IRAG2: variants seen among roughly 807,000 people sequenced by gnomAD.
IRAG2 encodes lymphoid restricted membrane protein.
Under a neutral mutation model 69.9 loss-of-function variants are expected in IRAG2, and 45 were observed. The ratio of observed to expected loss-of-function variants is 0.64; its 90% confidence interval spans 0.51 to 0.83. The LOEUF is 0.83. Among genes scored for constraint, IRAG2 ranks in the 40% least tolerant of loss-of-function variants. The pLI is 0.00. For synonymous variants in IRAG2, 193 were observed against 202.4 expected (o/e 0.95, Z 0.40); for missense variants, 520 against 587.0 (o/e 0.89, Z 1.18).
chr12:25,063,241 T>G (rs1300876076), intron 3 of IRAG2, among the ~76,000 whole-genome samples: 1 of 152,196 alleles, frequency 6.6e-6, no homozygotes, highest in Non-Finnish European at 1.5e-5. Flanking sequence ...TTTTGTATTT[T>G]TAGTAGAGAT....
upstream of IRAG2, among the ~76,000 whole-genome samples, chr12:25,003,220 A>C (rs1377196356): frequency 3.3e-5 from 5 of 152,204 alleles, no homozygotes; most frequent in African/African-American, 1.2e-4. Context: ...GATTCATGGA[A>C]ATTTCTGTTA....
intron 6 of IRAG2, among the ~76,000 whole-genome samples, chr12:25,070,864 T>C (rs1327412071): frequency 6.6e-6 from 1 of 152,224 alleles, no homozygotes; most frequent in African/African-American, 2.4e-5. Context: ...TATTTTTGAT[T>C]TGCATTTCTC....
At chr12:25,087,517 A>G (rs1207001875) in intron 10 of IRAG2, among the ~76,000 whole-genome samples, 3 of 152,080 alleles carry the variant, frequency 2.0e-5, no homozygotes, top group African/African-American at 7.2e-5. Flanking sequence ...TTATTTGGCA[A>G]TTAATCCTAG....
chr12:25,106,510 C>A, intron 20 of IRAG2, among the ~76,000 whole-genome samples: 1 of 54,814 alleles, frequency 1.8e-5, no homozygotes, highest in African/African-American at 4.9e-5. Context: ...ATACTGCACT[C>A]CAGCCTAGGC....
intron 7 of IRAG2, chr12:25,021,063 C>A (rs1591927373): frequency 5.3e-6 from 2 of 378,292 alleles, no homozygotes; most frequent in Non-Finnish European, 4.6e-6. Flanking sequence ...TTTTTTAAAT[C>A]TGTGTTTTCC....
At chr12:25,023,158 C>T (rs1416624586) in intron 7 of IRAG2, among the ~76,000 whole-genome samples, 1 of 150,170 alleles carries the variant, frequency 6.7e-6, no homozygotes, top group Non-Finnish European at 1.5e-5. Flanking sequence ...AAAAGTAGGG[C>T]CAGAATTGAA....
At chr12:25,075,184 G>A (rs1334015598) in intron 6 of IRAG2, among the ~76,000 whole-genome samples, 1 of 152,168 alleles carries the variant, frequency 6.6e-6, no homozygotes, top group Non-Finnish European at 1.5e-5. Flanking sequence ...ATTCAACTTA[G>A]CATTGTTCCT....
rs766432830 is a variant in IRAG2, at chr12:25,083,505, C to T, written c.315+12C>T. Reference sequence around the variant, plus strand: ...CCATATTAAATCTGGTAAGGAAATACGTATGTTCACAACAAAGGTGGTGGT... The same window carrying T: ...CCATATTAAATCTGGTAAGGAAATATGTATGTTCACAACAAAGGTGGTGGT... On this transcript the variant is annotated intron_variant, in intron 10 of 21. Transcript: ENST00000556887. 5.9e-6 allele frequency: 9 copies of T among 1,530,938 alleles called. No individual in the cohort carries two copies. Among genetic ancestry groups the T allele is most frequent in the Admixed American group, 3.4e-5 (2 of 59,538 alleles). The allele number at this position is 1,530,938 out of a possible 1,614,324, so 94.8% of individuals were successfully genotyped here.
intron 2 of IRAG2, among the ~76,000 whole-genome samples, chr12:25,006,870 GA>G (rs141336595): frequency 1.3e-4 from 20 of 150,634 alleles, no homozygotes; most frequent in South Asian, 2.1e-4. Context: ...AAAGTTGAGA[GA>G]AAAAAAAATT....
chr12:25,070,790 T>C (rs1946292337), intron 6 of IRAG2, among the ~76,000 whole-genome samples: 1 of 152,204 alleles, frequency 6.6e-6, no homozygotes, highest in South Asian at 2.1e-4. Flanking sequence ...CTCTGTATCC[T>C]CATTAAATAT....
intron 12 of IRAG2, among the ~76,000 whole-genome samples, chr12:25,033,574 C>G (rs1944684532): frequency 6.6e-6 from 1 of 152,174 alleles, no homozygotes; most frequent in Middle Eastern, 3.2e-3. Context: ...AGCCAGAAAT[C>G]CAGATTTTTA....
At chr12:25,052,398 G>T, upstream of IRAG2, 1 of 397,640 alleles carries the variant, frequency 2.5e-6, no homozygotes, top group Non-Finnish European at 4.4e-6. Context: ...CTCCTCAGAT[G>T]CCCTGCAAAC....
rs561839576 is a variant in IRAG2, at chr12:25,007,128, G to A, written c.688+1774G>A. 3.4e-3 allele frequency among the ~76,000 whole-genome samples: 520 copies of A among 152,208 alleles called. 1 individual carries two copies. Among genetic ancestry groups the A allele is most frequent in the Non-Finnish European group, 5.7e-3 (387 of 68,000 alleles). Reference sequence around the variant, plus strand: ...GTAGAATTCTATGATGAATCCTTATGTATTTGTCATAACCAATTATGTCTC... The same window carrying A: ...GTAGAATTCTATGATGAATCCTTATATATTTGTCATAACCAATTATGTCTC... On this transcript the variant is annotated intron_variant, in intron 2 of 38. Transcript: ENST00000636465.
chr12:25,058,174 T>C (rs1683169), intron 1 of IRAG2, among the ~76,000 whole-genome samples: 147,178 of 152,250 alleles, frequency 0.97, 71,338 homozygotes, highest in East Asian at 1. Flanking sequence ...AACTGTCAAA[T>C]GGTTTTCGGT....
At chr12:25,100,985 A>G (rs1385263936) in intron 15 of IRAG2, 193 bp from the exon 16 acceptor site, 2 of 445,582 alleles carry the variant, frequency 4.5e-6, no homozygotes, top group Non-Finnish European at 7.9e-6. Flanking sequence ...TAGTCCTTCT[A>G]TCCAGCTTTC....
At chr12:25,101,605 T>G (rs559038556) in intron 16 of IRAG2, among the ~76,000 whole-genome samples, 24 of 152,330 alleles carry the variant, frequency 1.6e-4, no homozygotes, top group Non-Finnish European at 1.9e-4. Context: ...TTGACCTTAG[T>G]GTTCCCCTAC....
Position 25,089,614 on chromosome 12 carries a change from A to C in IRAG2, c.374A>C (p.Asp125Ala), listed in dbSNP as rs1452172864. The change falls in exon 12 of 22, where the codon GAC becomes GCC. Residue 125 changes from aspartate to alanine, a missense_variant and splice_region_variant. Transcript: ENST00000556887. ...ATAATATTTTATTATATTTTAATAG[A>C]CTCTGTGGTTTCCCCTCTTCCTGTA... is the stretch of plus-strand genomic sequence containing the variant. ...EEHKKEHASG[D>A]SVVSPLPVTT... 6.4e-7 allele frequency: 1 copy of C among 1,570,736 alleles called. No individual in the cohort carries two copies. Among genetic ancestry groups the C allele is most frequent in the Non-Finnish European group, 8.7e-7 (1 of 1,143,720 alleles).
chr12:25,036,790 G>C, intron 15 of IRAG2: 1 of 394,856 alleles, frequency 2.5e-6, no homozygotes, highest in Non-Finnish European at 4.5e-6. Context: ...GTAGTCTTCT[G>C]CTATCTTAGT....
rs1399697277 is a variant in IRAG2 at position 25,092,427 on chromosome 12, T to G, written c.606+2230T>G. ...AAAAAAAAAAAAAATTAACTGGGCATAGTGGGACACACCTGTAATCTCAGC... is the reference window on the plus strand; with the variant it reads ...AAAAAAAAAAAAAATTAACTGGGCAGAGTGGGACACACCTGTAATCTCAGC... On this transcript the variant is annotated intron_variant, in intron 14 of 21. Coordinates refer to ENST00000556887, the MANE Select transcript of IRAG2 (RefSeq NM_001366544.2). Among the ~76,000 whole-genome samples the G allele has an allele frequency of 2.7e-5, 4 of 148,454 alleles. No individual in the cohort carries two copies. In the East Asian group the frequency reaches 5.9e-4, roughly 22 times the overall value.
Sources: gnomAD v4.1 joint callset for allele counts (sites outside exome capture counted in the v4.1 genomes callset) on GRCh38, gnomAD v4.1.1 for gene constraint, MANE v1.5 for transcripts, NCBI Gene and HGNC (gene_info 2026-07-23, HGNC 2026-07-21) for gene names.